LAMA2: variants seen among roughly 807,000 people sequenced by gnomAD.
LAMA2 encodes the protein laminin subunit alpha 2, also known as laminin subunit alpha-2.
In LAMA2, 269 loss-of-function variants were observed where a neutral mutation model predicts 364.8. The observed-to-expected ratio is 0.74, with a 90% CI of 0.67 to 0.82. LAMA2 has a LOEUF of 0.82. Among genes scored for constraint, LAMA2 ranks in the 40% least tolerant of loss-of-function variants. The probability of loss-of-function intolerance (pLI) is 0.00; values close to 1 mark genes in which losing one functional copy is unlikely to be tolerated. For synonymous variants in LAMA2, 1,379 were observed against 1,370.6 expected, an observed-to-expected ratio of 1.01 and a Z score of -0.14; for missense variants, 3,807 against 3,873.2, an observed-to-expected ratio of 0.98 and a Z score of 0.45.
chr6:129,039,758 C>G (rs1222682024), intron 1 of LAMA2, among the ~76,000 whole-genome samples: 2 of 152,188 alleles, frequency 1.3e-5, no homozygotes, highest in African/African-American at 4.8e-5. Flanking sequence ...CAACCTAGAT[C>G]CCTCGCATGC....
intron 29 of LAMA2, among the ~76,000 whole-genome samples, chr6:129,330,591 G>GTTTTTTTTTTTTTTTT (rs1491387157): frequency 1.2e-5 from 1 of 83,790 alleles, no homozygotes; most frequent in African/African-American, 4.5e-5. Context: ...GTTGTTGTTT[G>GTTTTTTTTTTTTTTTT]GTTTTTGTTT....
At chr6:129,366,168 G>A (rs1310826147) in intron 32 of LAMA2, 51 bp from the exon 33 acceptor site, 1 of 1,595,684 alleles carries the variant, frequency 6.3e-7, no homozygotes, top group South Asian at 1.1e-5. Flanking sequence ...TTGAACATCT[G>A]CCTGGGATGT....
intron 37 of LAMA2, among the ~76,000 whole-genome samples, chr6:129,400,228 C>G (rs1030448801): frequency 6.6e-5 from 10 of 152,138 alleles, no homozygotes; most frequent in African/African-American, 2.4e-4. Context: ...GCTTCATGAC[C>G]TGGTCACCTC....
intron 10 of LAMA2, among the ~76,000 whole-genome samples, chr6:129,184,233 A>T (rs1415166989): frequency 1.3e-5 from 2 of 151,918 alleles, no homozygotes; most frequent in Non-Finnish European, 2.9e-5. Flanking sequence ...CACTTCATTA[A>T]CTTGTAGACT....
intron 17 of LAMA2, among the ~76,000 whole-genome samples, chr6:129,275,481 A>G (rs1465298142): frequency 6.6e-6 from 1 of 152,038 alleles, no homozygotes; most frequent in Non-Finnish European, 1.5e-5. Context: ...CATTGAAAAG[A>G]AGCAAAAAAA....
chr6:129,249,228 G>A (rs1302947203), intron 12 of LAMA2, among the ~76,000 whole-genome samples: 3 of 152,076 alleles, frequency 2.0e-5, no homozygotes, highest in African/African-American at 4.8e-5. Context: ...TCAGCACAGA[G>A]CAAGCAGCAG....
intron 29 of LAMA2, among the ~76,000 whole-genome samples, chr6:129,331,128 G>A (rs1027062840): frequency 1.3e-5 from 2 of 151,838 alleles, no homozygotes; most frequent in South Asian, 2.1e-4. Context: ...CGCCTCCTTC[G>A]GCCTCCCAAA....
intron 12 of LAMA2, among the ~76,000 whole-genome samples, chr6:129,204,544 G>GATGGCC (rs1249548229): frequency 6.6e-6 from 1 of 151,760 alleles, no homozygotes; most frequent in African/African-American, 2.4e-5. Flanking sequence ...TGAACATGAT[G>GATGGCC]ATGGCCATTC....
At chr6:128,962,179 T>C (rs1464594098) in intron 1 of LAMA2, among the ~76,000 whole-genome samples, 2,776 of 120,238 alleles carry the variant, frequency 0.023, 365 homozygotes, top group African/African-American at 0.097. Context: ...TATATATATA[T>C]ATATATACAC....
intron 40 of LAMA2, among the ~76,000 whole-genome samples, chr6:129,410,585 T>G (rs1166169732): frequency 1.3e-5 from 2 of 152,190 alleles, no homozygotes; most frequent in Non-Finnish European, 2.9e-5. Flanking sequence ...TGTATTAGGG[T>G]TCTCCAAATA....
At chr6:129,088,806 A>C (rs527716263) in intron 3 of LAMA2, among the ~76,000 whole-genome samples, 1 of 150,256 alleles carries the variant, frequency 6.7e-6, no homozygotes, top group Admixed American at 6.6e-5. Flanking sequence ...GGCGGTCCGG[A>C]AGAGGCACTC....
rs758491978 is a variant in LAMA2 at position 129,503,131 on chromosome 6, G to A, written c.8398G>A (p.Gly2800Ser). 39 of 1,614,018 alleles carry A rather than the reference G, an allele frequency of 2.4e-5. No homozygotes were observed. The highest frequency in any genetic ancestry group is 3.3e-5 in the South Asian group (3 of 91,086). Residue 2800 changes from glycine to serine, a missense_variant, in exon 60 of 65, where the codon GGC (glycine) becomes AGC (serine). Physicochemically the swap from Gly to Ser is moderately conservative, Grantham distance 56 (BLOSUM62 0). This residue lies in a region of LAMA2 where 3,333 missense variants were observed against 3,345.7 expected (regional missense o/e 1.00). Transcript: ENST00000421865. ...GGAAGTAAGAACCGAAGCTGAATCCGGCTTGCTTTTTTACATGGCTCGCAT... is the reference window on the plus strand; with the variant it reads ...GGAAGTAAGAACCGAAGCTGAATCCAGCTTGCTTTTTTACATGGCTCGCAT... ...ELEVRTEAES[G>S]LLFYMARINH...
chr6:129,063,293 C>T (rs752574416), intron 3 of LAMA2, among the ~76,000 whole-genome samples: 14 of 151,920 alleles, frequency 9.2e-5, no homozygotes, highest in South Asian at 6.2e-4. Flanking sequence ...AATATAATTG[C>T]GAACAAAAAT....
chr6:129,506,636 C>CG (rs759979847), intron 61 of LAMA2, among the ~76,000 whole-genome samples: 9 of 151,958 alleles, frequency 5.9e-5, no homozygotes, highest in Middle Eastern at 6.8e-3. Flanking sequence ...GAGAGAAGCA[C>CG]GGGGGATTGA....
rs543624117 is a variant in LAMA2 at position 129,236,909 on chromosome 6, G to A, written c.1783-13203G>A. ...TGTAAGTATATGTAATATATCATAT[G>A]TATCTATGATTGTGTATTTCATTGA... On this transcript the variant is annotated intron_variant, in intron 12 of 64. Coordinates refer to ENST00000421865, the MANE Select transcript of LAMA2 (RefSeq NM_000426.4). Among the ~76,000 whole-genome samples, 31 of 152,244 alleles carry A rather than the reference G, an allele frequency of 2.0e-4. No individual in the cohort carries two copies. The South Asian group carries it at 6.4e-3, about 32-fold the overall frequency.
chr6:129,457,244 T>C (rs554916445), intron 48 of LAMA2, among the ~76,000 whole-genome samples: 18 of 152,232 alleles, frequency 1.2e-4, no homozygotes, highest in African/African-American at 4.3e-4. Flanking sequence ...TTTATTTACT[T>C]TGAGTACGAG....
At chr6:129,414,135 A>C (rs2114716576) in intron 40 of LAMA2, among the ~76,000 whole-genome samples, 1 of 152,270 alleles carries the variant, frequency 6.6e-6, no homozygotes, top group Non-Finnish European at 1.5e-5. Context: ...ACTTAGGTGA[A>C]GTAAACAGTA....
chr6:129,516,202 A>C lies in LAMA2; in HGVS notation c.9224A>C (p.Gln3075Pro). The change falls in exon 65 of 65, where the codon CAG (glutamine) becomes CCG (proline). Residue 3075 changes from glutamine (Q) to proline (P), a missense_variant. Physicochemically the swap from Gln to Pro is moderately conservative, Grantham distance 76. This residue lies in a region of LAMA2 where 3,333 missense variants were observed against 3,345.7 expected (regional missense o/e 1.00). Transcript: ENST00000421865. Reference sequence around the variant, plus strand: ...TTGCCTTTTTCAGATGACCTCAAGCAGTTTGGCCTAACAACCAGTATTCCG... The same window carrying C: ...TTGCCTTTTTCAGATGACCTCAAGCCGTTTGGCCTAACAACCAGTATTCCG... ...FVGGFPDDLK[Q>P]FGLTTSIPFR... is the part of the protein sequence containing the mutation. The C allele has an allele frequency of 6.2e-7, 1 of 1,614,136 alleles. No homozygotes were observed. The highest frequency in any genetic ancestry group is 2.2e-5 in the East Asian group (1 of 44,882).
intron 1 of LAMA2, among the ~76,000 whole-genome samples, chr6:129,034,437 TG>T (rs1786466830): frequency 6.6e-6 from 1 of 152,128 alleles, no homozygotes. Context: ...ACAAGAAATC[TG>T]GATTATCATG....
Sources: gnomAD v4.1 joint callset for allele counts (sites outside exome capture counted in the v4.1 genomes callset) on GRCh38, gnomAD v4.1.1 for gene constraint, gnomAD v4.1.1 regional missense constraint, MANE v1.5 for transcripts, NCBI Gene and HGNC (gene_info 2026-07-23, HGNC 2026-07-21) for gene names.